The following TENT2 variants were observed in gnomAD, a reference collection of about 807,000 sequenced individuals.
TENT2 encodes terminal nucleotidyltransferase 2.
Under a neutral mutation model 72.2 loss-of-function variants are expected in TENT2, and 44 were observed. That is an observed-to-expected ratio of 0.61 (90% confidence interval 0.48 to 0.78). TENT2 has a LOEUF of 0.78. Ranked by LOEUF, TENT2 falls within the 30% of genes least tolerant of loss-of-function variation. TENT2 has a pLI of 0.00. For missense variants in TENT2, 541 were observed against 569.6 expected (o/e 0.95, Z 0.51); for synonymous variants, 212 against 192.5 (o/e 1.10, Z -0.84).
intron 12 of TENT2, among the ~76,000 whole-genome samples, chr5:79,678,190 A>G (rs1818778552): frequency 6.6e-6 from 1 of 152,204 alleles, no homozygotes; most frequent in Non-Finnish European, 1.5e-5. Context: ...AACAAAAATA[A>G]ATTATACTTT....
At chr5:79,638,643 T>A (rs1782085194) in intron 4 of TENT2, among the ~76,000 whole-genome samples, 1 of 152,212 alleles carries the variant, frequency 6.6e-6, no homozygotes, top group Non-Finnish European at 1.5e-5. Flanking sequence ...GATTTCTGCA[T>A]GTTCTGCTTT....
intron 11 of TENT2, among the ~76,000 whole-genome samples, chr5:79,660,020 T>A (rs986649950): frequency 3.3e-5 from 5 of 152,132 alleles, no homozygotes; most frequent in Non-Finnish European, 1.5e-5. Context: ...GCTTCTCTAA[T>A]ACAAAATAGG....
intron 4 of TENT2, among the ~76,000 whole-genome samples, chr5:79,628,423 C>T (rs1772228621): frequency 6.6e-6 from 1 of 152,166 alleles, no homozygotes; most frequent in Admixed American, 6.5e-5. Context: ...AGGTGGTGAT[C>T]ATCTTGAAGG....
intron 7 of TENT2, 128 bp from the exon 8 acceptor site, chr5:79,644,995 A>T: frequency 1.4e-6 from 1 of 715,322 alleles, no homozygotes; most frequent in Non-Finnish European, 2.2e-6. Flanking sequence ...CCTCACTTGT[A>T]TTCTTTTTCA....
At chr5:79,645,909 C>T (rs1433593899) in intron 8 of TENT2, among the ~76,000 whole-genome samples, 1 of 152,116 alleles carries the variant, frequency 6.6e-6, no homozygotes, top group Non-Finnish European at 1.5e-5. Flanking sequence ...AATTTGCCTA[C>T]TTGCTAAAAG....
chr5:79,628,339 A>T (rs760908855), intron 4 of TENT2, among the ~76,000 whole-genome samples: 1 of 152,244 alleles, frequency 6.6e-6, no homozygotes, highest in Non-Finnish European at 1.5e-5. Flanking sequence ...GTAGAGAAAT[A>T]GCACAGTCAG....
chr5:79,678,816 T>G (rs1819394549), intron 12 of TENT2, among the ~76,000 whole-genome samples: 1 of 152,250 alleles, frequency 6.6e-6, no homozygotes, highest in Non-Finnish European at 1.5e-5. Context: ...AGAAGATTAC[T>G]TCTGTCTTAA....
At chr5:79,674,451 A>G (rs1215823829) in intron 12 of TENT2, among the ~76,000 whole-genome samples, 2 of 152,208 alleles carry the variant, frequency 1.3e-5, no homozygotes, top group Admixed American at 6.5e-5. Flanking sequence ...ATTTAAAGAG[A>G]TAGAACAGTC....
At chr5:79,673,375 T>C (rs1013537385) in intron 12 of TENT2, among the ~76,000 whole-genome samples, 1 of 152,208 alleles carries the variant, frequency 6.6e-6, no homozygotes, top group Non-Finnish European at 1.5e-5. Context: ...CCCATACCAA[T>C]GTCCTGGAGA....
chr5:79,650,349 C>T (rs1265089559), intron 10 of TENT2, among the ~76,000 whole-genome samples: 1 of 151,936 alleles, frequency 6.6e-6, no homozygotes, highest in Non-Finnish European at 1.5e-5. Context: ...TGTAAAATGT[C>T]ACATTTTCAT....
intron 11 of TENT2, among the ~76,000 whole-genome samples, chr5:79,665,940 C>G (rs570239889): frequency 6.6e-6 from 1 of 150,924 alleles, no homozygotes; most frequent in East Asian, 1.9e-4. Flanking sequence ...AAATACATAA[C>G]TAAAGTGGGG....
rs1554086793 is a variant in TENT2, at chr5:79,659,553, A to AAATGTAT, written c.1071+2553_1071+2554insATGTATA. Among the ~76,000 whole-genome samples, 30 of 26,854 alleles carry AAATGTAT rather than the reference A, an allele frequency of 1.1e-3. 3 individuals carry two copies. The highest frequency in any genetic ancestry group is 7.5e-3 in the African/African-American group (30 of 3,998). 17.6% of individuals were successfully genotyped at this position (26,854 alleles called of 152,430 possible). A position where few individuals can be genotyped will look rare whatever the true frequency, so the allele number is the denominator to read the frequency against. ...TCTCAAAAAAAAAAAAAAAAAAAAA[A>AAATGTAT]ATGTATATATATATATATATATATA... On this transcript the variant is annotated intron_variant, in intron 11 of 14. Transcript: ENST00000453514.
At chr5:79,640,708 A>G (rs1783799671) in intron 4 of TENT2, 143 bp from the exon 5 acceptor site, 1 of 499,808 alleles carries the variant, frequency 2.0e-6, no homozygotes, top group African/African-American at 2.0e-5. Context: ...GAGTAATAGT[A>G]GCTTTGTTTT....
chr5:79,620,037 G>A lies in TENT2; in HGVS notation c.181G>A (p.Val61Ile). 2 of 1,612,406 alleles carry A rather than the reference G, an allele frequency of 1.2e-6. No homozygotes were observed. The highest frequency in any genetic ancestry group is 1.1e-5 in the South Asian group (1 of 90,726). ...ATTACAGCAGCTGACATATGGAAAT[G>A]TCAGTCCAATACAGACCTCAGCTTC... ...VSLQQLTYGN[V>I]SPIQTSASPL... is the part of the protein sequence containing the mutation. Residue 61 changes from valine to isoleucine, a missense_variant, in exon 3 of 15, where the codon GTC (valine) becomes ATC (isoleucine). Physicochemically the swap from Val to Ile is conservative, Grantham distance 29. Transcript: ENST00000453514.
intron 4 of TENT2, among the ~76,000 whole-genome samples, chr5:79,630,334 TGTAATC>T (rs1431031858): frequency 5.3e-5 from 8 of 152,132 alleles, no homozygotes; most frequent in African/African-American, 1.9e-4. Flanking sequence ...GGCTCATGCC[TGTAATC>T]GCAACACTTT....
intron 11 of TENT2, among the ~76,000 whole-genome samples, chr5:79,665,144 CTTT>C (rs1174889777): frequency 1.3e-5 from 2 of 152,130 alleles, no homozygotes; most frequent in Admixed American, 6.5e-5. Context: ...TCACTTAGTT[CTTT>C]TTCTTTTCAG....
Position 79,640,894 on chromosome 5 carries a change from A to G in TENT2, c.509A>G (p.Gln170Arg). The G allele has an allele frequency of 6.2e-7, 1 of 1,611,946 alleles. No individual in the cohort carries two copies. The highest frequency in any genetic ancestry group is 8.5e-7 in the Non-Finnish European group (1 of 1,179,288). Reference sequence around the variant, plus strand: ...GAGTTATTTGAAACATGTCAGCAGCAAATAAGTGATTTAAAGAAGAAAGAA... The same window carrying G: ...GAGTTATTTGAAACATGTCAGCAGCGAATAAGTGATTTAAAGAAGAAAGAA... Reference protein sequence around the residue: ...ILELFETCQQQISDLKKKELC... With the variant: ...ILELFETCQQRISDLKKKELC... Residue 170 changes from glutamine to arginine, a missense_variant, in exon 5 of 15, where the codon CAA becomes CGA. Coordinates refer to ENST00000453514, the MANE Select transcript of TENT2 (RefSeq NM_001114394.3).
chr5:79,671,937 T>C (rs1813252974), intron 12 of TENT2, among the ~76,000 whole-genome samples: 1 of 151,948 alleles, frequency 6.6e-6, no homozygotes, highest in Admixed American at 6.6e-5. Context: ...ACCCCCTTTC[T>C]ACTAAAAATA....
intron 4 of TENT2, among the ~76,000 whole-genome samples, chr5:79,633,729 T>G (rs1010818514): frequency 1.3e-5 from 2 of 151,282 alleles, no homozygotes; most frequent in Non-Finnish European, 2.9e-5. Context: ...AAGTTTTTTT[T>G]TTTTTTTTTT....
Sources: allele counts gnomAD v4.1 joint callset (sites outside exome capture counted in the v4.1 genomes callset), GRCh38; gene constraint gnomAD v4.1.1; transcripts MANE v1.5; gene names NCBI Gene and HGNC (gene_info 2026-07-23, HGNC 2026-07-21).